Variants in KCNAB2 observed in about 807,000 individuals in gnomAD.
KCNAB2 encodes the protein potassium voltage-gated channel subfamily A regulatory beta subunit 2.
KCNAB2 carries 29 observed loss-of-function variants against 63.6 expected under a neutral mutation model. That is an observed-to-expected ratio of 0.46 (90% CI 0.34 to 0.62). KCNAB2 has a LOEUF of 0.62. Ranked by LOEUF, KCNAB2 falls within the 20% of genes least tolerant of loss-of-function variation. KCNAB2 has a pLI of 0.01. For missense variants in KCNAB2, 359 were observed against 563.9 expected (o/e 0.64, Z 3.68); for synonymous variants, 222 against 224.2 (o/e 0.99, Z 0.09).
Position 6,099,943 on chromosome 1 carries a change from C to T in KCNAB2, c.*1369C>T. The T allele has an allele frequency of 6.4e-7, 1 of 1,550,406 alleles. No homozygotes were observed. ...GCCACCTACAGGCCCAGGCCTGTGT[C>T]CCAAGCAGTACCCAGGCTTTGCAGA... On this transcript the variant is annotated 3_prime_UTR_variant, in exon 16 of 16. Transcript: ENST00000378083.
intron 10 of KCNAB2, among the ~76,000 whole-genome samples, chr1:6,094,192 A>G (rs557494118): frequency 6.2e-4 from 95 of 152,240 alleles, no homozygotes; most frequent in African/African-American, 2.2e-3. Flanking sequence ...TTCACGACCA[A>G]CTTCTAGGAT....
At chr1:6,097,488 G>A in intron 15 of KCNAB2, 131 bp downstream of exon 15, 4 of 1,490,188 alleles carry the variant, frequency 2.7e-6, no homozygotes, top group Non-Finnish European at 2.7e-6. Context: ...AACCATCAGA[G>A]TTGTGCTCCT....
Position 6,085,229 on chromosome 1 carries a change from A to G in KCNAB2, c.406A>G (p.Ile136Val). The G allele has an allele frequency of 6.2e-7, 1 of 1,614,114 alleles. No homozygotes were observed. Among genetic ancestry groups the G allele is most frequent in the Non-Finnish European group, 8.5e-7 (1 of 1,179,950 alleles). ...GKAEVVLGNI[I>V]KKKGWRRSSL... is the part of the protein sequence containing the mutation. ...GGCTGAAGTGGTACTGGGAAACATCATTAAGAAGAAAGGATGGAGGTAACG... is the reference window on the plus strand; with the variant it reads ...GGCTGAAGTGGTACTGGGAAACATCGTTAAGAAGAAAGGATGGAGGTAACG... The change falls in exon 6 of 16, where the codon ATT becomes GTT. Residue 136 changes from isoleucine (I) to valine (V), a missense_variant. Coordinates refer to ENST00000378083, the MANE Select transcript of KCNAB2 (RefSeq NM_001199862.2).
Position 6,099,845 on chromosome 1 carries a change from C to G in KCNAB2, c.*1271C>G. 1 of 1,545,432 alleles carries G rather than the reference C, an allele frequency of 6.5e-7. No homozygotes were observed. Among genetic ancestry groups the G allele is most frequent in the Non-Finnish European group, 8.7e-7 (1 of 1,144,368 alleles). ...TGGGCAGAGGGGAGAGAGGGCAGGA[C>G]AGGCCAGAGTGACGCCCCCGTGCAG... is the stretch of plus-strand genomic sequence containing the variant. On this transcript the variant is annotated 3_prime_UTR_variant, in exon 16 of 16. Coordinates refer to ENST00000378083, the MANE Select transcript of KCNAB2 (RefSeq NM_001199862.2).
rs758178153 is a variant in KCNAB2 at position 6,098,612 on chromosome 1, C to T, written c.*38C>T. 1 of 1,605,706 alleles carries T rather than the reference C, an allele frequency of 6.2e-7. No homozygotes were observed. Among genetic ancestry groups the T allele is most frequent in the Admixed American group, 1.7e-5 (1 of 58,374 alleles). On this transcript the variant is annotated 3_prime_UTR_variant, in exon 16 of 16. Coordinates refer to ENST00000378083, the MANE Select transcript of KCNAB2 (RefSeq NM_001199862.2). ...CGCCTGCTCGGACAGTTTCCGTTCC[C>T]TCCTAGTCTCTGTTCGCTCGCTTAA...
At chr1:6,010,510 C>T (rs1658087890) in intron 1 of KCNAB2, among the ~76,000 whole-genome samples, 1 of 152,242 alleles carries the variant, frequency 6.6e-6, no homozygotes, top group African/African-American at 2.4e-5. Context: ...CCAAGGCTGT[C>T]TCAAGGCAGC....
At chr1:6,097,630 G>C in intron 15 of KCNAB2, 2 of 607,850 alleles carry the variant, frequency 3.3e-6, no homozygotes, top group Non-Finnish European at 5.8e-6. Flanking sequence ...TGGGGCCAGG[G>C]ACGGTGGCGC....
chr1:6,002,149 G>A (rs1183220566), intron 1 of KCNAB2, among the ~76,000 whole-genome samples: 5 of 152,194 alleles, frequency 3.3e-5, no homozygotes, highest in African/African-American at 9.7e-5. Context: ...AGCAAACATC[G>A]TCCCCAGCAC....
In KCNAB2 at chr1:5,994,801, C is replaced by A. The variant is rs1368524056; in HGVS notation, c.-53+2013C>A. Reference sequence around the variant, plus strand: ...CCATGGGCTGGCCAGCTAGAGAAGGCTTCCTCGCTTTCATTTTTCAGTCAT... The same window carrying A: ...CCATGGGCTGGCCAGCTAGAGAAGGATTCCTCGCTTTCATTTTTCAGTCAT... On this transcript the variant is annotated intron_variant, in intron 1 of 16. Coordinates refer to the KCNAB2 transcript ENST00000341524. This position sits in a 1 kb window ranked among gnomAD's most constrained non-coding sequence, Gnocchi z 5.4. Among the ~76,000 whole-genome samples the A allele has an allele frequency of 1.3e-5, 2 of 152,266 alleles. No individual in the cohort carries two copies. Among genetic ancestry groups the A allele is most frequent in the East Asian group, 3.9e-4 (2 of 5,170 alleles).
At chr1:6,048,232 T>G (rs1274754389) in intron 1 of KCNAB2, among the ~76,000 whole-genome samples, 1 of 152,224 alleles carries the variant, frequency 6.6e-6, no homozygotes, top group East Asian at 1.9e-4. Flanking sequence ...GGTCACAAGT[T>G]CCTTCCCGCC....
rs548940165 is a variant in KCNAB2, at chr1:6,075,880, C to T, written c.300+2110C>T. Among the ~76,000 whole-genome samples the T allele has an allele frequency of 2.4e-4, 37 of 152,354 alleles. No individual in the cohort carries two copies. The South Asian group carries it at 6.4e-3, about 26-fold the overall frequency. ...ACAGGAGCTCTGCACCCTTAAACAA[C>T]AACTCCCCATCCCCTGGTCACCTCT... On this transcript the variant is annotated intron_variant, in intron 4 of 15. Coordinates refer to ENST00000378083, the MANE Select transcript of KCNAB2 (RefSeq NM_001199862.2).
Position 6,024,585 on chromosome 1 carries a change from C to T in KCNAB2, c.-52-15932C>T, listed in dbSNP as rs577822430. Among the ~76,000 whole-genome samples, 82 of 152,342 alleles carry T rather than the reference C, an allele frequency of 5.4e-4. No homozygotes were observed. The highest frequency in any genetic ancestry group is 9.7e-4 in the Non-Finnish European group (66 of 68,030). On this transcript the variant is annotated intron_variant, in intron 1 of 16. Coordinates refer to the KCNAB2 transcript ENST00000341524. The surrounding 1 kb of genome is among the most constrained non-coding windows in gnomAD (Gnocchi z 5.4). ...AACTGCGAAGCAGCCAGTGAGGTTA[C>T]TTTCGCATCCCCTAGCTTTTACCTC...
intron 1 of KCNAB2, among the ~76,000 whole-genome samples, chr1:6,046,699 G>A (rs754217050): frequency 1.3e-5 from 2 of 152,182 alleles, no homozygotes; most frequent in African/African-American, 2.4e-5. Context: ...AAGCAATGCC[G>A]TGTCTTGTAG....
In KCNAB2 at chr1:6,035,529, C is replaced by T. The variant is rs554635401; in HGVS notation, c.-53+735C>T. On this transcript the variant is annotated intron_variant, in intron 1 of 15. Coordinates refer to the KCNAB2 transcript ENST00000164247. The surrounding 1 kb of genome is among the most constrained non-coding windows in gnomAD (Gnocchi z 5.0). Reference sequence around the variant, plus strand: ...CCAGGGATGGATTGGATGTGGGAGGCGGGACGTGGGAGGAAGGGAGGAGTC... The same window carrying T: ...CCAGGGATGGATTGGATGTGGGAGGTGGGACGTGGGAGGAAGGGAGGAGTC... 2.0e-5 allele frequency among the ~76,000 whole-genome samples: 3 copies of T among 151,500 alleles called. No homozygotes were observed. The highest frequency in any genetic ancestry group is 2.1e-4 in the South Asian group (1 of 4,780).
intron 2 of KCNAB2, among the ~76,000 whole-genome samples, chr1:6,052,305 G>T (rs1201406170): frequency 6.6e-6 from 1 of 151,896 alleles, no homozygotes; most frequent in Non-Finnish European, 1.5e-5. Flanking sequence ...TGCACCTGTA[G>T]TCCCAGCTAC....
At position 6,040,759 on chromosome 1, in the gene KCNAB2, A is replaced by T. The variant is rs576762094; in HGVS notation, c.77+114A>T. On this transcript the variant is annotated intron_variant, in intron 2 of 15. Transcript: ENST00000164247. ...AGGTGGAAGGGCCCAAGCAGGGCCC[A>T]CAGGCTTCTGCCTTCCACGGGGTTT... The T allele has an allele frequency of 7.6e-4, 497 of 653,264 alleles. 1 individual carries two copies. Among genetic ancestry groups the T allele is most frequent in the Non-Finnish European group, 1.2e-3 (458 of 366,766 alleles). 40.5% of individuals were successfully genotyped at this position (653,264 alleles called of 1,614,324 possible). A position where few individuals can be genotyped will look rare whatever the true frequency, so the allele number is the denominator to read the frequency against.
At chr1:6,040,271 A>G (rs1174224414) in intron 1 of KCNAB2, among the ~76,000 whole-genome samples, 7 of 152,128 alleles carry the variant, frequency 4.6e-5, no homozygotes, top group Admixed American at 4.6e-4. Flanking sequence ...GTGTGGAGTG[A>G]TGGAGTGTGG....
At chr1:5,997,203 C>T (rs552176872) in intron 1 of KCNAB2, among the ~76,000 whole-genome samples, 5 of 152,272 alleles carry the variant, frequency 3.3e-5, no homozygotes, top group South Asian at 2.1e-4. Flanking sequence ...GGCAGCCCAA[C>T]GGAGCCCCCA....
At chr1:6,057,480 AG>A (rs3838291) in intron 2 of KCNAB2, among the ~76,000 whole-genome samples, 1 of 151,924 alleles carries the variant, frequency 6.6e-6, no homozygotes, top group South Asian at 2.1e-4. Context: ...AGCAGAGACC[AG>A]GGGGGATGGC....
Sources: gnomAD v4.1 joint callset for allele counts (sites outside exome capture counted in the v4.1 genomes callset) on GRCh38, gnomAD v4.1.1 for gene constraint, Gnocchi (gnomAD v3.1) non-coding constraint, MANE v1.5 for transcripts, NCBI Gene and HGNC (gene_info 2026-07-23, HGNC 2026-07-21) for gene names.